GNAI2: variants seen among roughly 807,000 people sequenced by gnomAD.
GNAI2 encodes G protein subunit alpha i2, also known as guanine nucleotide-binding protein G(i) subunit alpha-2.
In GNAI2, 4 loss-of-function variants were observed where a neutral mutation model predicts 36.8. The observed-to-expected ratio is 0.11, with a 90% CI of 0.05 to 0.25. The LOEUF (loss-of-function observed/expected upper bound fraction) is 0.25. GNAI2 is among the 10% of genes least tolerant of loss of function. GNAI2 has a pLI of 1.00. For synonymous variants in GNAI2, 194 were observed against 194.1 expected, an observed-to-expected ratio of 1.00 and a Z score of 0.01; for missense variants, 230 against 481.3, an observed-to-expected ratio of 0.48 and a Z score of 4.89.
chr3:50,230,788 C>G (rs1700054652), exon 1 of GNAI2: 1 of 985,178 alleles, frequency 1.0e-6, no homozygotes, highest in Non-Finnish European at 1.2e-6. Context: ...GGTGCTGGGC[C>G]TGGTGGGCAT....
chr3:50,257,410 G>T, intron 7 of GNAI2, 90 bp from the exon 8 acceptor site: 1 of 829,982 alleles, frequency 1.2e-6, no homozygotes, highest in East Asian at 2.6e-5. Flanking sequence ...TGTATGCCTG[G>T]CCGTCCACAC....
At chr3:50,234,495 G>A (rs1700124886), upstream of GNAI2, among the ~76,000 whole-genome samples, 1 of 151,908 alleles carries the variant, frequency 6.6e-6, no homozygotes, top group Non-Finnish European at 1.5e-5. Flanking sequence ...GGGATTACAT[G>A]TGCCCACCAC....
upstream of GNAI2, among the ~76,000 whole-genome samples, chr3:50,231,701 A>G (rs1700070695): frequency 6.6e-6 from 1 of 152,198 alleles, no homozygotes; most frequent in African/African-American, 2.4e-5. Context: ...CCCGAGGACA[A>G]TGGGACTCAG....
At chr3:50,228,981 A>G (rs892640564), upstream of GNAI2, 10 of 152,178 alleles carry the variant, frequency 6.6e-5, no homozygotes, top group African/African-American at 2.2e-4. Context: ...ATCTACAGGA[A>G]GCCCCTGAGC....
chr3:50,247,901 C>T (rs1409949445), intron 1 of GNAI2, among the ~76,000 whole-genome samples: 1 of 152,260 alleles, frequency 6.6e-6, no homozygotes. Flanking sequence ...TTCATGCCAC[C>T]TTCTATTGCC....
chr3:50,243,122 G>A (rs1553701322), intron 1 of GNAI2, among the ~76,000 whole-genome samples: 1 of 152,230 alleles, frequency 6.6e-6, no homozygotes, highest in Non-Finnish European at 1.5e-5. Context: ...AAGGGTCTAG[G>A]AGGTGAACAC....
intron 1 of GNAI2, chr3:50,246,884 C>G (rs781882711): frequency 2.4e-5 from 35 of 1,433,270 alleles, no homozygotes; most frequent in Non-Finnish European, 2.9e-5. Flanking sequence ...GGAAAGCCAA[C>G]AGAGGAGCCA....
chr3:50,241,496 T>C lies in GNAI2; in HGVS notation c.118+5043T>C, dbSNP rs1157389478. ...CACGCCAGTGTCAGTGCAGCCAACA[T>C]GAGGTCATACCTCTAGGGTAGGAGT... On this transcript the variant is annotated intron_variant, in intron 1 of 8. Coordinates refer to ENST00000313601, the MANE Select transcript of GNAI2 (RefSeq NM_002070.4). This position sits in a 1 kb window ranked among gnomAD's most constrained non-coding sequence, Gnocchi z 5.0. Among the ~76,000 whole-genome samples the C allele has an allele frequency of 6.6e-6, 1 of 152,170 alleles. No homozygotes were observed. The highest frequency in any genetic ancestry group is 1.5e-5 in the Non-Finnish European group (1 of 68,010).
At chr3:50,227,220 G>C (rs1398333485), upstream of GNAI2, 3 of 1,366,678 alleles carry the variant, frequency 2.2e-6, no homozygotes, top group Middle Eastern at 1.9e-4. The surrounding 1 kb of genome is among the most constrained non-coding windows in gnomAD (Gnocchi z 5.9). Flanking sequence ...TATCGCGGAG[G>C]AGACCCTGGC....
chr3:50,232,965 A>G (rs1271389329), upstream of GNAI2, among the ~76,000 whole-genome samples: 2 of 151,242 alleles, frequency 1.3e-5, no homozygotes, highest in Non-Finnish European at 2.9e-5. Context: ...GACAGTGTGG[A>G]TTTGAGGTGC....
Position 50,252,383 on chromosome 3 carries a change from T to C in GNAI2, c.162-14T>C. On this transcript the variant is annotated splice_polypyrimidine_tract_variant and intron_variant, in intron 2 of 8. Coordinates refer to ENST00000313601, the MANE Select transcript of GNAI2 (RefSeq NM_002070.4). The surrounding 1 kb of genome is among the most constrained non-coding windows in gnomAD (Gnocchi z 4.1). Reference sequence around the variant, plus strand: ...GCCCAGGGGACACTAACCTTCCTGGTCCCTGGCTATCAGGATCATCCACGA... The same window carrying C: ...GCCCAGGGGACACTAACCTTCCTGGCCCCTGGCTATCAGGATCATCCACGA... 6.2e-7 allele frequency: 1 copy of C among 1,613,382 alleles called. No individual in the cohort carries two copies. The highest frequency in any genetic ancestry group is 8.5e-7 in the Non-Finnish European group (1 of 1,179,828).
intron 1 of GNAI2, chr3:50,251,818 G>C: frequency 7.8e-7 from 1 of 1,287,704 alleles, no homozygotes; most frequent in Non-Finnish European, 1.0e-6. Context: ...GACCCCCCAG[G>C]ACAGTGGGGA....
chr3:50,236,283 C>CGGGCCGT lies in GNAI2; in HGVS notation c.-44_-38dup, dbSNP rs1470114643. 3 of 1,251,344 alleles carry CGGGCCGT rather than the reference C, an allele frequency of 2.4e-6. No homozygotes were observed. The African/African-American group carries it at 4.7e-5, about 20-fold the overall frequency. The allele number at this position is 1,251,344 out of a possible 1,614,324, so 77.5% of individuals were successfully genotyped here. A position where few individuals can be genotyped will look rare whatever the true frequency, so the allele number is the denominator to read the frequency against. The stretch of plus-strand genomic sequence containing the variant: ...CGGAGTGGGTCGGGCGGGGCCGAGC[C>CGGGCCGT]GGGCCGTGGGCCGTGTGGGGGCCGG... On this transcript the variant is annotated 5_prime_UTR_variant, in exon 1 of 9. Transcript: ENST00000313601. This position sits in a 1 kb window ranked among gnomAD's most constrained non-coding sequence, Gnocchi z 4.0.
At chr3:50,251,393 A>G (rs1700553106) in intron 1 of GNAI2, 16 of 1,013,994 alleles carry the variant, frequency 1.6e-5, no homozygotes, top group Non-Finnish European at 1.8e-5. Flanking sequence ...GTACCAGGCC[A>G]GGGAAAAGCT....
intron 1 of GNAI2, among the ~76,000 whole-genome samples, chr3:50,247,904 C>T (rs982521121): frequency 2.0e-5 from 3 of 152,266 alleles, no homozygotes; most frequent in East Asian, 1.9e-4. Context: ...ATGCCACCTT[C>T]TATTGCCTCA....
At chr3:50,236,042 A>C (rs1378297227), upstream of GNAI2, 5 of 311,010 alleles carry the variant, frequency 1.6e-5, no homozygotes, top group Admixed American at 6.0e-5. This position sits in a 1 kb window ranked among gnomAD's most constrained non-coding sequence, Gnocchi z 4.0. Flanking sequence ...GGCTGCGCCT[A>C]ACTTCCCCCT....
rs1700239346 is a variant in GNAI2 at position 50,238,733 on chromosome 3, G to A, written c.118+2280G>A. Among the ~76,000 whole-genome samples the A allele has an allele frequency of 6.6e-6, 1 of 152,346 alleles. No homozygotes were observed. Among genetic ancestry groups the A allele is most frequent in the Non-Finnish European group, 1.5e-5 (1 of 68,030 alleles). On this transcript the variant is annotated intron_variant, in intron 1 of 8. Coordinates refer to ENST00000313601, the MANE Select transcript of GNAI2 (RefSeq NM_002070.4). The surrounding 1 kb of genome is among the most constrained non-coding windows in gnomAD (Gnocchi z 5.0). ...CCAGTCTGCCATGGCTGCCTGGGGA[G>A]GGATCCTGGCTTGAGCCATGCCTTT...
In GNAI2 at chr3:50,252,415, C is replaced by A; in HGVS notation, c.180C>A (p.Gly60=). 6.2e-7 allele frequency: 1 copy of A among 1,613,748 alleles called. No homozygotes were observed. The highest frequency in any genetic ancestry group is 8.5e-7 in the Non-Finnish European group (1 of 1,179,960). ...VKQMKIIHED[G]YSEEECRQYR... ...CTATCAGGATCATCCACGAGGATGG[C>A]TACTCCGAGGAGGAATGCCGGCAGT... Residue 60 remains glycine (G), a synonymous_variant, in exon 3 of 9, where the codon GGC becomes GGA. Transcript: ENST00000313601. The surrounding 1 kb of genome is among the most constrained non-coding windows in gnomAD (Gnocchi z 4.1).
chr3:50,250,343 G>C (rs1553702259), intron 1 of GNAI2, among the ~76,000 whole-genome samples: 1 of 152,200 alleles, frequency 6.6e-6, no homozygotes, highest in Non-Finnish European at 1.5e-5. Context: ...GGATGCTGTT[G>C]AGCTTGGCCA....
Sources: gnomAD v4.1 joint callset for allele counts (sites outside exome capture counted in the v4.1 genomes callset) on GRCh38, gnomAD v4.1.1 for gene constraint, Gnocchi (gnomAD v3.1) non-coding constraint, MANE v1.5 for transcripts, NCBI Gene and HGNC (gene_info 2026-07-23, HGNC 2026-07-21) for gene names.